The following PAPPA2 variants were observed in gnomAD, a reference collection of about 807,000 sequenced individuals.
PAPPA2 encodes pappalysin 2, also known as pappalysin-2.
Under a neutral mutation model 176.4 loss-of-function variants are expected in PAPPA2, and 86 were observed. That is an observed-to-expected ratio of 0.49 (90% CI 0.41 to 0.58). The LOEUF is 0.58. Among genes scored for constraint, PAPPA2 ranks in the 20% least tolerant of loss-of-function variants. The pLI is 0.00. For missense variants in PAPPA2, 2,073 were observed against 2,256.9 expected (o/e 0.92, Z 1.65); for synonymous variants, 809 against 852.2 (o/e 0.95, Z 0.88).
At chr1:176,733,315 G>T (rs1185436595) in intron 12 of PAPPA2, among the ~76,000 whole-genome samples, 1 of 152,124 alleles carries the variant, frequency 6.6e-6, no homozygotes, top group Non-Finnish European at 1.5e-5. Context: ...TCTGTTGTTT[G>T]GAAAATGAAT....
chr1:176,777,534 A>G (rs1664515545), intron 17 of PAPPA2, among the ~76,000 whole-genome samples: 1 of 152,196 alleles, frequency 6.6e-6, no homozygotes, highest in Non-Finnish European at 1.5e-5. Flanking sequence ...CAAATGGCTA[A>G]GAAGGGTTTT....
chr1:176,566,405 C>T (rs1252409698), intron 2 of PAPPA2, among the ~76,000 whole-genome samples: 1 of 152,174 alleles, frequency 6.6e-6, no homozygotes, highest in Middle Eastern at 3.2e-3. Context: ...TCCTCATTCC[C>T]CAATTTTCAT....
In PAPPA2 at chr1:176,690,305, A is replaced by T. The variant is rs1382003509; in HGVS notation, c.2306A>T (p.Asp769Val). ...ACAGTGCCATCCATGGAAACGGGAGACCTCTGTGCCGACACCGCCCCCACT... is the reference window on the plus strand; with the variant it reads ...ACAGTGCCATCCATGGAAACGGGAGTCCTCTGTGCCGACACCGCCCCCACT... ...KETVPSMETG[D>V]LCADTAPTPK... The change falls in exon 5 of 23, where the codon GAC becomes GTC. Residue 769 changes from aspartate (D) to valine (V), a missense_variant. Around this residue, in one of 4 missense-constraint regions of PAPPA2, gnomAD observed 1,196 missense variants for 1,330.4 expected, o/e 0.90. Transcript: ENST00000367662. 1 of 1,613,774 alleles carries T rather than the reference A, an allele frequency of 6.2e-7. No individual in the cohort carries two copies. The highest frequency in any genetic ancestry group is 8.5e-7 in the Non-Finnish European group (1 of 1,179,966).
chr1:176,747,946 C>G (rs576088884), intron 14 of PAPPA2, among the ~76,000 whole-genome samples: 2 of 152,180 alleles, frequency 1.3e-5, no homozygotes, highest in Non-Finnish European at 2.9e-5. Flanking sequence ...ATAGTCTGCT[C>G]CATTGGGAAG....
chr1:176,478,331 A>G (rs1269585537), intron 1 of PAPPA2, among the ~76,000 whole-genome samples: 1 of 152,268 alleles, frequency 6.6e-6, no homozygotes, highest in African/African-American at 2.4e-5. Flanking sequence ...GGCTAAGATC[A>G]TAGACTCAGA....
At position 176,653,378 on chromosome 1, in the gene PAPPA2, C is replaced by G. The variant is rs1454732024; in HGVS notation, c.1992-17592C>G. ...ATTCTTTCTTCCATTTCATCCTCCC[C>G]CTTTATTGCATTAGCGTGTATTCCT... On this transcript the variant is annotated intron_variant, in intron 3 of 22. Coordinates refer to ENST00000367662, the MANE Select transcript of PAPPA2 (RefSeq NM_020318.3). Among the ~76,000 whole-genome samples the G allele has an allele frequency of 2.6e-5, 4 of 151,708 alleles. No individual in the cohort carries two copies. In the East Asian group the frequency reaches 5.8e-4, roughly 22 times the overall value.
intron 1 of PAPPA2, among the ~76,000 whole-genome samples, chr1:176,531,916 A>G (rs535146378): frequency 7.1e-4 from 108 of 152,312 alleles, no homozygotes; most frequent in African/African-American, 2.5e-3. Flanking sequence ...TGTTAATGAT[A>G]GCACATCCAT....
At chr1:176,667,504 C>A (rs1352729801) in intron 3 of PAPPA2, among the ~76,000 whole-genome samples, 1 of 152,112 alleles carries the variant, frequency 6.6e-6, no homozygotes, top group Admixed American at 6.6e-5. Context: ...TGAGGTTGCA[C>A]CGAACAACCT....
At chr1:176,667,120 C>G (rs565373833) in intron 3 of PAPPA2, among the ~76,000 whole-genome samples, 5 of 152,152 alleles carry the variant, frequency 3.3e-5, no homozygotes, top group Admixed American at 6.5e-5. Flanking sequence ...TGGCACATGC[C>G]TGTAATCCCA....
At chr1:176,693,899 A>G (rs944978668) in intron 6 of PAPPA2, among the ~76,000 whole-genome samples, 6 of 152,204 alleles carry the variant, frequency 3.9e-5, no homozygotes, top group African/African-American at 1.4e-4. Context: ...TTTATGTAAC[A>G]CATGTAAACA....
chr1:176,651,162 GCA>G, intron 3 of PAPPA2, among the ~76,000 whole-genome samples: 1 of 151,612 alleles, frequency 6.6e-6, no homozygotes, highest in East Asian at 2.0e-4. Flanking sequence ...TGAATTGATT[GCA>G]CACCACAATT....
intron 2 of PAPPA2, among the ~76,000 whole-genome samples, chr1:176,560,970 C>T (rs571042904): frequency 1.1e-4 from 17 of 152,288 alleles, no homozygotes; most frequent in African/African-American, 1.2e-4. Flanking sequence ...ATGCAAAGCA[C>T]GGCAAGGCCC....
In PAPPA2 at chr1:176,743,849, A is replaced by G. The variant is rs1373850180; in HGVS notation, c.4151+3653A>G. Among the ~76,000 whole-genome samples, 3 of 152,314 alleles carry G rather than the reference A, an allele frequency of 2.0e-5. No homozygotes were observed. The East Asian group carries it at 5.8e-4, about 29-fold the overall frequency. On this transcript the variant is annotated intron_variant, in intron 14 of 22. Transcript: ENST00000367662. ...TGGATAAAATGAAAAAATTGATTGT[A>G]ACTTCTGTGACTTACCTGATAATAT... is the stretch of plus-strand genomic sequence containing the variant.
chr1:176,505,153 A>G (rs1279593215), intron 1 of PAPPA2, among the ~76,000 whole-genome samples: 3 of 152,110 alleles, frequency 2.0e-5, no homozygotes, highest in Non-Finnish European at 4.4e-5. Flanking sequence ...AAAATGACAA[A>G]AAACCCGTTA....
chr1:176,591,787 C>T (rs1375443908), intron 2 of PAPPA2, among the ~76,000 whole-genome samples: 2 of 151,914 alleles, frequency 1.3e-5, no homozygotes, highest in African/African-American at 2.4e-5. Flanking sequence ...GCATAGGCAC[C>T]TTGGACAAAT....
chr1:176,771,155 G>T lies in PAPPA2; in HGVS notation c.4690G>T (p.Glu1564Ter). ...ATGCAAACCAGGGTACTATGTGGCA[G>T]AAAGTGCAGAGGGTAAAGTCAGGAA... Reference protein sequence around the residue: ...YECKPGYYVAESAEGKVRNKL... With the variant: ...YECKPGYYVA The change falls in exon 17 of 23, where the codon GAA (glutamate) becomes TAA (stop). Residue 1564 changes from glutamate (E) to a stop codon, truncating the protein, a stop_gained. Transcript: ENST00000367662. LOFTEE classifies it high-confidence loss of function. The T allele has an allele frequency of 6.2e-7, 1 of 1,614,206 alleles. No individual in the cohort carries two copies. Among genetic ancestry groups the T allele is most frequent in the Non-Finnish European group, 8.5e-7 (1 of 1,180,022 alleles).
rs760285433 is a variant in PAPPA2, at chr1:176,557,212, G to C, written c.890G>C (p.Gly297Ala). ...FTVEAWVKPE[G>A]GQNNPAIIAG... ...GTGGAAGCCTGGGTTAAACCGGAGG[G>C]AGGACAGAACAACCCAGCCATCATC... is the stretch of plus-strand genomic sequence containing the variant. The change falls in exon 2 of 23, where the codon GGA becomes GCA. Residue 297 changes from glycine to alanine, a missense_variant. Gly to Ala is a moderately conservative substitution (Grantham distance 60, BLOSUM62 0). Coordinates refer to ENST00000367662, the MANE Select transcript of PAPPA2 (RefSeq NM_020318.3). 15 of 1,605,064 alleles carry C rather than the reference G, an allele frequency of 9.3e-6. No homozygotes were observed. The highest frequency in any genetic ancestry group is 1.3e-5 in the Non-Finnish European group (15 of 1,175,972).
intron 3 of PAPPA2, chr1:176,616,265 GT>G: frequency 2.1e-6 from 1 of 483,954 alleles, no homozygotes. Context: ...AGGCACCCCA[GT>G]TTTATTGAAT....
At chr1:176,522,076 C>A (rs780322685) in intron 1 of PAPPA2, among the ~76,000 whole-genome samples, 41 of 152,272 alleles carry the variant, frequency 2.7e-4, no homozygotes, top group Admixed American at 2.3e-3. Flanking sequence ...CTGGCTTCCT[C>A]CATCTGTGGA....
Sources: allele counts gnomAD v4.1 joint callset (sites outside exome capture counted in the v4.1 genomes callset), GRCh38; gene constraint gnomAD v4.1.1; regional missense constraint gnomAD v4.1.1; transcripts MANE v1.5; gene names NCBI Gene and HGNC (gene_info 2026-07-23, HGNC 2026-07-21).